The following PCDH15 variants were observed in gnomAD, a reference collection of about 807,000 sequenced individuals.
PCDH15 encodes the protein protocadherin-15.
PCDH15 carries 129 observed loss-of-function variants against 178.5 expected under a neutral mutation model. The ratio of observed to expected loss-of-function variants is 0.72; its 90% confidence interval spans 0.63 to 0.84. The LOEUF is 0.84. Ranked by LOEUF, PCDH15 falls within the 40% of genes least tolerant of loss-of-function variation. The pLI is 0.00. For synonymous variants in PCDH15, 800 were observed against 732.0 expected (o/e 1.09, Z -1.50); for missense variants, 2,230 against 2,099.9 (o/e 1.06, Z -1.21).
At chr10:54,370,094 C>A (rs1947423613) in intron 4 of PCDH15, among the ~76,000 whole-genome samples, 1 of 151,768 alleles carries the variant, frequency 6.6e-6, no homozygotes, top group South Asian at 2.1e-4. Context: ...TAATAAATTC[C>A]TTGAACGGGA....
chr10:54,068,967 A>G (rs942238413), intron 17 of PCDH15, among the ~76,000 whole-genome samples: 2 of 152,232 alleles, frequency 1.3e-5, no homozygotes, highest in Admixed American at 6.5e-5. Flanking sequence ...GATGGAATCC[A>G]GATCATTTCA....
intron 13 of PCDH15, among the ~76,000 whole-genome samples, chr10:54,173,363 T>C (rs1433228926): frequency 6.6e-6 from 1 of 152,182 alleles, no homozygotes; most frequent in Non-Finnish European, 1.5e-5. Flanking sequence ...AATAAATGTG[T>C]TAATTATTCA....
intron 1 of PCDH15, among the ~76,000 whole-genome samples, chr10:55,291,951 A>T (rs1163128365): frequency 1.3e-5 from 2 of 152,146 alleles, no homozygotes; most frequent in Admixed American, 6.6e-5. Context: ...TATGGGAAAG[A>T]CCTGCCCACA....
rs950994789 is a variant in PCDH15 at position 54,398,252 on chromosome 10, TA to T, written c.158-19311del. Reference sequence around the variant, plus strand: ...TGTTTAAAAAAAAATTAGTCTTAATTAAAAAAACACTATGGAAGAAAATAAG... The same window carrying T: ...TGTTTAAAAAAAAATTAGTCTTAATTAAAAAACACTATGGAAGAAAATAAG... On this transcript the variant is annotated intron_variant, in intron 3 of 37. Coordinates refer to ENST00000644397, the MANE Select transcript of PCDH15 (RefSeq NM_001384140.1). Among the ~76,000 whole-genome samples the T allele has an allele frequency of 2.6e-5, 4 of 151,904 alleles. No homozygotes were observed. In the South Asian group the frequency reaches 8.3e-4, roughly 32 times the overall value.
At chr10:54,404,906 C>G (rs1952438934) in intron 3 of PCDH15, among the ~76,000 whole-genome samples, 1 of 151,920 alleles carries the variant, frequency 6.6e-6, no homozygotes, top group Admixed American at 6.6e-5. Flanking sequence ...TCTCAACATC[C>G]CTAATCATTA....
intron 21 of PCDH15, among the ~76,000 whole-genome samples, chr10:53,976,891 C>T (rs765976164): frequency 5.3e-5 from 8 of 151,508 alleles, no homozygotes; most frequent in Admixed American, 4.0e-4. Flanking sequence ...CACCAACCAT[C>T]GGGCCTCCCA....
intron 8 of PCDH15, among the ~76,000 whole-genome samples, chr10:54,271,504 T>TGC (rs1444661899): frequency 6.6e-6 from 1 of 152,154 alleles, no homozygotes; most frequent in African/African-American, 2.4e-5. Flanking sequence ...TGAGCCACTG[T>TGC]GCCTGGCCAA....
chr10:55,368,304 G>T (rs1845415959), intron 2 of PCDH15, among the ~76,000 whole-genome samples: 1 of 151,928 alleles, frequency 6.6e-6, no homozygotes, highest in Admixed American at 6.6e-5. Flanking sequence ...TCTTAGCATT[G>T]CCCTAACATA....
At chr10:54,502,033 C>T (rs1177318456) in intron 3 of PCDH15, among the ~76,000 whole-genome samples, 1 of 151,878 alleles carries the variant, frequency 6.6e-6, no homozygotes, top group African/African-American at 2.4e-5. Flanking sequence ...TTTTCCTCCT[C>T]CTTCTCCTCC....
intron 18 of PCDH15, among the ~76,000 whole-genome samples, chr10:54,024,386 C>T (rs941295583): frequency 1.3e-5 from 2 of 152,202 alleles, no homozygotes; most frequent in African/African-American, 4.8e-5. Flanking sequence ...ACACAAAAAT[C>T]ACTCGAGGTC....
chr10:54,125,538 T>C (rs2041919381), intron 15 of PCDH15, among the ~76,000 whole-genome samples: 1 of 152,186 alleles, frequency 6.6e-6, no homozygotes, highest in South Asian at 2.1e-4. Flanking sequence ...ATTGAAGGGA[T>C]TGTGGGCAAG....
intron 25 of PCDH15, among the ~76,000 whole-genome samples, chr10:53,934,396 T>C (rs553443818): frequency 1.2e-4 from 18 of 152,026 alleles, no homozygotes; most frequent in Admixed American, 8.5e-4. Flanking sequence ...CATTCTACCA[T>C]ACATCTTACT....
At chr10:54,692,073 C>A (rs761510666) in intron 1 of PCDH15, among the ~76,000 whole-genome samples, 39 of 152,106 alleles carry the variant, frequency 2.6e-4, no homozygotes, top group Non-Finnish European at 4.0e-4. Flanking sequence ...TTCCAAACTA[C>A]CTGCTGCTGA....
At chr10:55,345,157 C>CTCTA (rs1339031279) in intron 2 of PCDH15, among the ~76,000 whole-genome samples, 8 of 150,506 alleles carry the variant, frequency 5.3e-5, no homozygotes, top group African/African-American at 1.7e-4. Context: ...CTCTCTCTCT[C>CTCTA]TATATATATA....
At chr10:55,608,090 G>A (rs192189684) in intron 2 of PCDH15, among the ~76,000 whole-genome samples, 30 of 152,132 alleles carry the variant, frequency 2.0e-4, no homozygotes, top group East Asian at 7.8e-4. Context: ...AGACGGGAGC[G>A]TCTATGAGTG....
chr10:53,857,233 C>CT lies in PCDH15; in HGVS notation c.3747dup (p.Val1250SerfsTer58). 1 of 1,611,736 alleles carries CT rather than the reference C, an allele frequency of 6.2e-7. No individual in the cohort carries two copies. Among genetic ancestry groups the CT allele is most frequent in the Non-Finnish European group, 8.5e-7 (1 of 1,178,342 alleles). On this transcript the variant is annotated frameshift_variant, in exon 28 of 38. Coordinates refer to ENST00000644397, the MANE Select transcript of PCDH15 (RefSeq NM_001384140.1). LOFTEE classifies it high-confidence loss of function. Reference sequence around the variant, plus strand: ...GTAGGAGGCACATTGGAAACAATGACTTGCATATCCAGCTGATTGACCACG... The same window carrying CT: ...GTAGGAGGCACATTGGAAACAATGACTTTGCATATCCAGCTGATTGACCACG...
At chr10:54,730,469 A>G (rs545922323) in intron 1 of PCDH15, among the ~76,000 whole-genome samples, 1 of 151,698 alleles carries the variant, frequency 6.6e-6, no homozygotes, top group Admixed American at 6.6e-5. Flanking sequence ...AAGTGATGAA[A>G]TAATCTGTAC....
chr10:54,749,787 C>T (rs1015847552), intron 1 of PCDH15, among the ~76,000 whole-genome samples: 6 of 152,210 alleles, frequency 3.9e-5, no homozygotes, highest in Middle Eastern at 3.4e-3. Context: ...TAAAACCCTA[C>T]GTGCTTGCTT....
chr10:54,437,562 T>A (rs1421191545), intron 3 of PCDH15, among the ~76,000 whole-genome samples: 1 of 152,150 alleles, frequency 6.6e-6, no homozygotes, highest in Non-Finnish European at 1.5e-5. Flanking sequence ...TAAATAGGAA[T>A]CAGTTTTTAC....
Sources: allele counts gnomAD v4.1 joint callset (sites outside exome capture counted in the v4.1 genomes callset), GRCh38; gene constraint gnomAD v4.1.1; transcripts MANE v1.5; gene names NCBI Gene and HGNC (gene_info 2026-07-23, HGNC 2026-07-21).